CHCHD5: variants seen among roughly 807,000 people sequenced by gnomAD.
CHCHD5 encodes the protein coiled-coil-helix-coiled-coil-helix domain containing 5.
Under a neutral mutation model 16.0 loss-of-function variants are expected in CHCHD5, and 10 were observed. That is an observed-to-expected ratio of 0.63 (90% CI 0.39 to 1.06). The LOEUF (loss-of-function observed/expected upper bound fraction) is 1.06. Ranked by LOEUF, CHCHD5 falls within the 50% of genes least tolerant of loss-of-function variation. The pLI, the probability that CHCHD5 is intolerant of heterozygous loss-of-function variation, is 0.01. For missense variants in CHCHD5, 163 were observed against 153.4 expected, an observed-to-expected ratio of 1.06 and a Z score of -0.33; for synonymous variants, 55 against 56.3, an observed-to-expected ratio of 0.98 and a Z score of 0.10.
In CHCHD5 at chr2:112,586,279, G is replaced by T; in HGVS notation, c.223G>T (p.Ala75Ser). Reference sequence around the variant, plus strand: ...GGAGTGTCTTCGACAGAACGAGGCAGCTGTGGGCAACTGTGCAGAGCATAT... The same window carrying T: ...GGAGTGTCTTCGACAGAACGAGGCATCTGTGGGCAACTGTGCAGAGCATAT... ...FEECLRQNEA[A>S]VGNCAEHMRR... The change falls in exon 3 of 4, where the codon GCT (alanine) becomes TCT (serine). Residue 75 changes from alanine (A) to serine (S), a missense_variant. By Grantham distance (99) the Ala-to-Ser change is moderately conservative. Coordinates refer to ENST00000324913, the MANE Select transcript of CHCHD5 (RefSeq NM_032309.4). 1 of 1,614,224 alleles carries T rather than the reference G, an allele frequency of 6.2e-7. No individual in the cohort carries two copies. The highest frequency in any genetic ancestry group is 1.1e-5 in the South Asian group (1 of 91,088).
Position 112,588,883 on chromosome 2 carries a change from C to A in CHCHD5, c.327C>A (p.Ala109=). The A allele has an allele frequency of 6.2e-7, 1 of 1,611,310 alleles. No homozygotes were observed. The highest frequency in any genetic ancestry group is 8.5e-7 in the Non-Finnish European group (1 of 1,177,684). Residue 109 remains alanine, a synonymous_variant, in exon 4 of 4, where the codon GCC becomes GCA. Coordinates refer to ENST00000324913, the MANE Select transcript of CHCHD5 (RefSeq NM_032309.4). ...CTCCACAGGCACAGCCACTTCCTGC[C>A]TCCTGAGGACTCCTCTGACGGCAGG... ...PATVEAQPLP[A]S
chr2:112,584,728 C>G, intron 1 of CHCHD5, 79 bp downstream of exon 1: 1 of 1,542,824 alleles, frequency 6.5e-7, no homozygotes, highest in Non-Finnish European at 8.9e-7. Context: ...AGTCTAGGAC[C>G]TCGGGAACTA....
intron 1 of CHCHD5, among the ~76,000 whole-genome samples, chr2:112,585,077 G>A (rs1220768148): frequency 1.3e-5 from 2 of 152,116 alleles, no homozygotes; most frequent in Non-Finnish European, 2.9e-5. Context: ...CTCACCTATA[G>A]GGTCCACAGA....
intron 3 of CHCHD5, chr2:112,586,883 C>A: frequency 6.3e-6 from 2 of 319,838 alleles, no homozygotes; most frequent in East Asian, 5.5e-5. Flanking sequence ...TTAAATGTAT[C>A]TAATATGTAA....
intron 3 of CHCHD5, 45 bp downstream of exon 3, chr2:112,586,410 C>T (rs1441059741): frequency 6.2e-6 from 10 of 1,613,516 alleles, no homozygotes; most frequent in South Asian, 1.1e-5. Flanking sequence ...CCATAACATC[C>T]CCTTCATCCT....
chr2:112,586,042 C>T lies in CHCHD5; in HGVS notation c.71C>T (p.Ala24Val), dbSNP rs201729327. The T allele has an allele frequency of 1.2e-5, 19 of 1,614,190 alleles. No individual in the cohort carries two copies. The highest frequency in any genetic ancestry group is 1.7e-4 in the Middle Eastern group (1 of 6,060). Residue 24 changes from alanine to valine, a missense_variant, in exon 2 of 4, where the codon GCG (alanine) becomes GTG (valine). By Grantham distance (64) the Ala-to-Val change is moderately conservative. Coordinates refer to ENST00000324913, the MANE Select transcript of CHCHD5 (RefSeq NM_032309.4). ...CTGGAGCAGTATGGCCAGTGTGTGG[C>T]GGCCAAGCCGGAATCCTGGCAGCGG... ...RELEQYGQCV[A>V]AKPESWQRDC... is the part of the protein sequence containing the mutation.
At chr2:112,587,685 T>G (rs1439805726) in intron 3 of CHCHD5, 2 of 152,128 alleles carry the variant, frequency 1.3e-5, no homozygotes, top group African/African-American at 4.8e-5. Context: ...CATTAATTGT[T>G]TCTGTAAGGC....
At chr2:112,584,782 A>T in intron 1 of CHCHD5, 133 bp downstream of exon 1, 1 of 1,122,008 alleles carries the variant, frequency 8.9e-7, no homozygotes, top group South Asian at 1.3e-5. Context: ...CTCAGGATTC[A>T]GCGCCTTCGC....
chr2:112,586,487 G>A (rs1300512475), intron 3 of CHCHD5, 122 bp downstream of exon 3: 11 of 1,559,078 alleles, frequency 7.1e-6, no homozygotes, highest in Non-Finnish European at 9.6e-6. Context: ...ACAGGCCTTT[G>A]CCATGCATCC....
chr2:112,584,913 C>T (rs1232062158), intron 1 of CHCHD5: 3 of 558,146 alleles, frequency 5.4e-6, no homozygotes, highest in Non-Finnish European at 9.7e-6. Context: ...GCCCCCAGTA[C>T]CCCAGGTCCG....
In CHCHD5 at chr2:112,586,011, C is replaced by G. The variant is rs1302367664; in HGVS notation, c.40C>G (p.Arg14Gly). 1 of 1,614,262 alleles carries G rather than the reference C, an allele frequency of 6.2e-7. No individual in the cohort carries two copies. Among genetic ancestry groups the G allele is most frequent in the Non-Finnish European group, 8.5e-7 (1 of 1,180,042 alleles). Reference sequence around the variant, plus strand: ...AGAGGTCACCGCTCGCTACTGTGGCCGGGAGCTGGAGCAGTATGGCCAGTG... The same window carrying G: ...AGAGGTCACCGCTCGCTACTGTGGCGGGGAGCTGGAGCAGTATGGCCAGTG... ...ALEVTARYCG[R>G]ELEQYGQCVA... The change falls in exon 2 of 4, where the codon CGG becomes GGG. Residue 14 changes from arginine (R) to glycine (G), a missense_variant. Arg to Gly is a moderately radical substitution (Grantham distance 125). Coordinates refer to ENST00000324913, the MANE Select transcript of CHCHD5 (RefSeq NM_032309.4).
rs1399866919 is a variant in CHCHD5, at chr2:112,586,703, G to A, written c.309+338G>A. 2.7e-6 allele frequency: 3 copies of A among 1,129,004 alleles called. No homozygotes were observed. In the African/African-American group the frequency reaches 4.7e-5, roughly 18 times the overall value. 69.9% of individuals were successfully genotyped at this position (1,129,004 alleles called of 1,614,324 possible). ...ACACCTATGCTTAAAGCTCTCCAGT[G>A]GCTTTGTGTCACATTGAGAACAAAA... On this transcript the variant is annotated intron_variant, in intron 3 of 3. Coordinates refer to ENST00000324913, the MANE Select transcript of CHCHD5 (RefSeq NM_032309.4).
At chr2:112,585,838 C>T in intron 1 of CHCHD5, 136 bp from the exon 2 acceptor site, 1 of 962,214 alleles carries the variant, frequency 1.0e-6, no homozygotes, top group Non-Finnish European at 1.5e-6. Context: ...TTGGTGGCTA[C>T]AGTGAGCTAT....
chr2:112,584,943 A>C, intron 1 of CHCHD5: 1 of 532,418 alleles, frequency 1.9e-6, no homozygotes, highest in South Asian at 2.5e-5. Flanking sequence ...CTGAAATCCT[A>C]AGACTACAGA....
At chr2:112,584,838 G>A in intron 1 of CHCHD5, 189 bp downstream of exon 1, 2 of 656,494 alleles carry the variant, frequency 3.0e-6, no homozygotes, top group East Asian at 2.7e-5. Context: ...CCCTCTAAGC[G>A]TTTAGGCCTC....
chr2:112,586,520 C>T (rs1265316687), intron 3 of CHCHD5, 155 bp downstream of exon 3: 8 of 1,550,382 alleles, frequency 5.2e-6, no homozygotes, highest in Non-Finnish European at 7.0e-6. Flanking sequence ...ATCATCACTT[C>T]TTGCCCCATA....
At chr2:112,585,023 A>C in intron 1 of CHCHD5, 1 of 281,024 alleles carries the variant, frequency 3.6e-6, no homozygotes, top group Non-Finnish European at 6.9e-6. Flanking sequence ...TTGATCACCA[A>C]ACTTTACCTT....
chr2:112,586,253 A>G lies in CHCHD5; in HGVS notation c.197A>G (p.Glu66Gly). ...QACAQPFEAF[E>G]ECLRQNEAAV... ...TGTGCTCAGCCTTTTGAGGCCTTCG[A>G]GGAGTGTCTTCGACAGAACGAGGCA... Residue 66 changes from glutamate to glycine, a missense_variant, in exon 3 of 4, where the codon GAG becomes GGG. Glu to Gly is a moderately conservative substitution (Grantham distance 98, BLOSUM62 -2). Coordinates refer to ENST00000324913, the MANE Select transcript of CHCHD5 (RefSeq NM_032309.4). 1 of 1,614,040 alleles carries G rather than the reference A, an allele frequency of 6.2e-7. No homozygotes were observed. The highest frequency in any genetic ancestry group is 8.5e-7 in the Non-Finnish European group (1 of 1,179,860).
At chr2:112,584,561 G>C (rs1049490859), upstream of CHCHD5, 44 of 1,582,420 alleles carry the variant, frequency 2.8e-5, no homozygotes, top group Non-Finnish European at 3.8e-5. Flanking sequence ...GAAAAAACCA[G>C]GCTGGGCTGG....
Sources: allele counts gnomAD v4.1 joint callset (sites outside exome capture counted in the v4.1 genomes callset), GRCh38; gene constraint gnomAD v4.1.1; transcripts MANE v1.5; gene names NCBI Gene and HGNC (gene_info 2026-07-23, HGNC 2026-07-21).